KAT14: variants seen among roughly 807,000 people sequenced by gnomAD.
The protein encoded by KAT14 is cysteine-rich protein 2-binding protein.
KAT14 carries 66 observed loss-of-function variants against 78.4 expected under a neutral mutation model. The observed-to-expected ratio is 0.84, with a 90% CI of 0.69 to 1.03. The LOEUF (loss-of-function observed/expected upper bound fraction) is 1.03, where lower values mean the gene tolerates loss of function less well. Ranked by LOEUF, KAT14 falls within the 50% of genes least tolerant of loss-of-function variation. KAT14 has a pLI of 0.00. For missense variants in KAT14, 870 were observed against 972.5 expected (o/e 0.89, Z 1.40); for synonymous variants, 344 against 359.4 (o/e 0.96, Z 0.48).
At chr20:18,141,046 T>TTTTTTTTTTTTTTTTTTC (rs1568661545) in intron 1 of KAT14, among the ~76,000 whole-genome samples, 2 of 41,608 alleles carry the variant, frequency 4.8e-5, no homozygotes, top group Non-Finnish European at 1.1e-4. Context: ...TTTTTTTTTT[T>TTTTTTTTTTTTTTTTTTC]ATTTTTATTT....
rs748045482 is a variant in KAT14, at chr20:18,137,881, C to G, written c.-624C>G. On this transcript the variant is annotated 5_prime_UTR_variant, in exon 1 of 11. Transcript: ENST00000688188. ...AGGGGTCGAGCCTGGGCAGTACAGG[C>G]GGCGGTGCGCACTCTGCGGCGGCCT... The G allele has an allele frequency of 1.6e-5, 22 of 1,385,722 alleles. No homozygotes were observed. The highest frequency in any genetic ancestry group is 3.0e-5 in the Admixed American group (1 of 32,924). The allele number at this position is 1,385,722 out of a possible 1,614,324, so 85.8% of individuals were successfully genotyped here. A position where few individuals can be genotyped will look rare whatever the true frequency, so the allele number is the denominator to read the frequency against.
intron 9 of KAT14, chr20:18,183,521 GTC>G (rs1388854804): frequency 2.0e-6 from 2 of 984,934 alleles, no homozygotes; most frequent in African/African-American, 3.5e-5. Context: ...TTCCCTGTTT[GTC>G]TCTGTTTCCA....
At chr20:18,137,183 T>C (rs1327789799), upstream of KAT14, among the ~76,000 whole-genome samples, 2 of 152,140 alleles carry the variant, frequency 1.3e-5, no homozygotes, top group Non-Finnish European at 2.9e-5. Context: ...CCTGTAATCC[T>C]CTCGGGAGGC....
chr20:18,178,098 A>T (rs545293581), intron 7 of KAT14, among the ~76,000 whole-genome samples: 37 of 78,254 alleles, frequency 4.7e-4, no homozygotes, highest in Non-Finnish European at 7.8e-4. Flanking sequence ...ACAGAGCAAG[A>T]CTCTATCTCA....
At chr20:18,139,632 A>AGGTG (rs1203664163) in intron 1 of KAT14, among the ~76,000 whole-genome samples, 30 of 99,862 alleles carry the variant, frequency 3.0e-4, no homozygotes, top group South Asian at 1.9e-3. Context: ...AACCAAAATA[A>AGGTG]CGTGTGTGTG....
Position 18,181,769 on chromosome 20 carries a change from G to C in KAT14, c.1728G>C (p.Leu576Phe). 6.2e-7 allele frequency: 1 copy of C among 1,614,144 alleles called. No homozygotes were observed. The highest frequency in any genetic ancestry group is 1.1e-5 in the South Asian group (1 of 91,070). The change falls in exon 8 of 11, where the codon TTG becomes TTC. Residue 576 changes from leucine to phenylalanine, a missense_variant. Coordinates refer to ENST00000688188, the MANE Select transcript of KAT14 (RefSeq NM_001392073.1). Reference sequence around the variant, plus strand: ...AGACCACCAAGTTTTTGTATCGCTTGGTAGGATCAGAAGATATGGCTGTGG... The same window carrying C: ...AGACCACCAAGTTTTTGTATCGCTTCGTAGGATCAGAAGATATGGCTGTGG... ...RHQTTKFLYR[L>F]VGSEDMAVDQ... is the part of the protein sequence containing the mutation.
At chr20:18,172,103 C>CT (rs914237136) in intron 7 of KAT14, among the ~76,000 whole-genome samples, 266 of 146,378 alleles carry the variant, frequency 1.8e-3, no homozygotes, top group African/African-American at 4.2e-3. Flanking sequence ...ATAGTGTCAA[C>CT]TTTTTTTTTT....
chr20:18,177,169 C>G (rs1371222200), intron 7 of KAT14, among the ~76,000 whole-genome samples: 1 of 152,114 alleles, frequency 6.6e-6, no homozygotes, highest in Non-Finnish European at 1.5e-5. Context: ...CTGTTGGGTT[C>G]TTTACTTAGT....
Position 18,162,348 on chromosome 20 carries a change from TTGA to T in KAT14, c.1100-25_1100-23del, listed in dbSNP as rs778466695. ...CTCTGCATTTCTTCCTTCCTATGTC[TTGA>T]TGACACTGTTTTGTACTCTGCACAG... On this transcript the variant is annotated intron_variant, in intron 6 of 10. Coordinates refer to ENST00000688188, the MANE Select transcript of KAT14 (RefSeq NM_001392073.1). 6.9e-6 allele frequency: 11 copies of T among 1,603,734 alleles called. No individual in the cohort carries two copies. The African/African-American group carries it at 1.5e-4, about 21-fold the overall frequency.
At chr20:18,145,114 G>C in intron 2 of KAT14, 119 bp from the exon 3 acceptor site, 1 of 1,431,748 alleles carries the variant, frequency 7.0e-7, no homozygotes, top group Non-Finnish European at 9.1e-7. Flanking sequence ...GCAATTGTGG[G>C]TTGGCTGAAG....
At chr20:18,149,483 T>A (rs544812700) in intron 3 of KAT14, among the ~76,000 whole-genome samples, 1 of 152,356 alleles carries the variant, frequency 6.6e-6, no homozygotes, top group Admixed American at 6.5e-5. Context: ...TTAGACTGTC[T>A]GCAAGTATTG....
At chr20:18,144,779 G>C (rs1246996240) in intron 2 of KAT14, among the ~76,000 whole-genome samples, 1 of 152,218 alleles carries the variant, frequency 6.6e-6, no homozygotes, top group Middle Eastern at 3.2e-3. Context: ...GAGAACCACT[G>C]TGTTGTTGTG....
Position 18,162,562 on chromosome 20 carries a change from GACACAGATTCAA to G in KAT14, c.1291_1302del (p.Asp431_Thr434del), listed in dbSNP as rs1217721007. The G allele has an allele frequency of 6.2e-7, 1 of 1,614,046 alleles. No individual in the cohort carries two copies. The highest frequency in any genetic ancestry group is 8.5e-7 in the Non-Finnish European group (1 of 1,180,038). On this transcript the variant is annotated inframe_deletion, in exon 7 of 11. Transcript: ENST00000688188. ...CGACAGGATGGATATTGACAGTGAA[GACACAGATTCAA>G]ACACATCTTTGCAAACAAGGGCTAG...
chr20:18,187,158 C>A, intron 10 of KAT14, 128 bp from the exon 11 acceptor site: 2 of 1,252,764 alleles, frequency 1.6e-6, no homozygotes, highest in Admixed American at 2.7e-5. Flanking sequence ...GTTGCAATGT[C>A]TCAGCCTCAG....
chr20:18,162,543 G>A lies in KAT14; in HGVS notation c.1266G>A (p.Arg422=), dbSNP rs1425842981. The change falls in exon 7 of 11, where the codon AGG becomes AGA. Residue 422 remains arginine (R), a synonymous_variant. Transcript: ENST00000688188. ...AGAGTGAGGAGGAAAAACCCGACAGGATGGATATTGACAGTGAAGACACAG... is the reference window on the plus strand; with the variant it reads ...AGAGTGAGGAGGAAAAACCCGACAGAATGGATATTGACAGTGAAGACACAG... The part of the protein sequence containing the change: ...EVESEEEKPD[R]MDIDSEDTDS... 1.2e-6 allele frequency: 2 copies of A among 1,614,172 alleles called. No individual in the cohort carries two copies. Among genetic ancestry groups the A allele is most frequent in the African/African-American group, 2.7e-5 (2 of 75,040 alleles).
chr20:18,144,758 C>T (rs1378782776), intron 2 of KAT14, among the ~76,000 whole-genome samples: 1 of 152,222 alleles, frequency 6.6e-6, no homozygotes, highest in Non-Finnish European at 1.5e-5. Flanking sequence ...TTCCAATGCA[C>T]TGTGAGCATG....
intron 10 of KAT14, among the ~76,000 whole-genome samples, chr20:18,186,750 G>C (rs1421484937): frequency 6.6e-6 from 1 of 152,190 alleles, no homozygotes; most frequent in Non-Finnish European, 1.5e-5. Flanking sequence ...CAGTTTTAGA[G>C]AGACAGAAGG....
chr20:18,161,026 C>T (rs2038399751), intron 5 of KAT14, among the ~76,000 whole-genome samples: 2 of 151,940 alleles, frequency 1.3e-5, no homozygotes, highest in African/African-American at 4.8e-5. Context: ...ATACAAAAAT[C>T]AGCCGGGCGT....
In KAT14 at chr20:18,183,219, C is replaced by A. The variant is rs144258253; in HGVS notation, c.1902C>A (p.Asp634Glu). The change falls in exon 9 of 11, where the codon GAC (aspartate) becomes GAA (glutamate). Residue 634 changes from aspartate (D) to glutamate (E), a missense_variant. Asp to Glu is a conservative substitution (Grantham distance 45, BLOSUM62 2). Transcript: ENST00000688188. ...ACCCTCACTGGACGCCGGAGCCCGACGCACCTCTCGATTACTGTTATGTGC... is the reference window on the plus strand; with the variant it reads ...ACCCTCACTGGACGCCGGAGCCCGAAGCACCTCTCGATTACTGTTATGTGC... Reference protein sequence around the residue: ...RSDPHWTPEPDAPLDYCYVRP... With the variant: ...RSDPHWTPEPEAPLDYCYVRP... 6.2e-7 allele frequency: 1 copy of A among 1,614,020 alleles called. No individual in the cohort carries two copies. Among genetic ancestry groups the A allele is most frequent in the Non-Finnish European group, 8.5e-7 (1 of 1,180,036 alleles).
Sources: gnomAD v4.1 joint callset for allele counts (sites outside exome capture counted in the v4.1 genomes callset) on GRCh38, gnomAD v4.1.1 for gene constraint, MANE v1.5 for transcripts, NCBI Gene and HGNC (gene_info 2026-07-23, HGNC 2026-07-21) for gene names.